The following ARL15 variants were observed in gnomAD, a reference collection of about 807,000 sequenced individuals.
ARL15 encodes ADP-ribosylation factor-like protein 15.
Under a neutral mutation model 25.2 loss-of-function variants are expected in ARL15, and 19 were observed. The ratio of observed to expected loss-of-function variants is 0.75; its 90% CI spans 0.53 to 1.10. The LOEUF is 1.10. Ranked by LOEUF, ARL15 falls within the 50% of genes least tolerant of loss-of-function variation. ARL15 has a pLI of 0.00. For synonymous variants in ARL15, 94 were observed against 86.8 expected (o/e 1.08, Z -0.46); for missense variants, 220 against 246.0 (o/e 0.89, Z 0.71).
chr5:54,121,603 T>C (rs1753077877), intron 3 of ARL15, among the ~76,000 whole-genome samples: 1 of 152,194 alleles, frequency 6.6e-6, no homozygotes, highest in South Asian at 2.1e-4. Context: ...CCAAAGCTTC[T>C]AATTTTTTTG....
chr5:54,087,238 G>A lies in ARL15; in HGVS notation c.462+25964C>T, dbSNP rs554936750. 2.1e-3 allele frequency among the ~76,000 whole-genome samples: 324 copies of A among 152,212 alleles called. 2 individuals are homozygous for A. The highest frequency in any genetic ancestry group is 3.8e-3 in the Non-Finnish European group (256 of 68,016). Reference sequence around the variant, plus strand: ...AGCTACTCGGGAGGCTCAGGCATGAGAATGGTGTGAATCCGGGAGGCGGAG... The same window carrying A: ...AGCTACTCGGGAGGCTCAGGCATGAAAATGGTGTGAATCCGGGAGGCGGAG... On this transcript the variant is annotated intron_variant, in intron 4 of 4. Coordinates refer to ENST00000504924, the MANE Select transcript of ARL15 (RefSeq NM_019087.3).
chr5:54,052,443 G>A (rs1750730460), intron 4 of ARL15, among the ~76,000 whole-genome samples: 1 of 152,146 alleles, frequency 6.6e-6, no homozygotes, highest in South Asian at 2.1e-4. Context: ...AAGTCTGTAA[G>A]ACTAAAGGTA....
At chr5:54,270,259 A>G (rs1241836710) in intron 1 of ARL15, among the ~76,000 whole-genome samples, 2 of 152,180 alleles carry the variant, frequency 1.3e-5, no homozygotes, top group Non-Finnish European at 2.9e-5. Flanking sequence ...TCTCAACACT[A>G]ACATCATATT....
chr5:54,266,238 A>G (rs1757621118), intron 1 of ARL15, among the ~76,000 whole-genome samples: 2 of 152,046 alleles, frequency 1.3e-5, no homozygotes. Flanking sequence ...AGGAAAATCC[A>G]CCTCCTCGGG....
chr5:54,283,489 G>T (rs2112672899), intron 1 of ARL15, among the ~76,000 whole-genome samples: 1 of 152,234 alleles, frequency 6.6e-6, no homozygotes, highest in East Asian at 1.9e-4. Context: ...TCATACTGGG[G>T]ATCATGATCA....
intron 3 of ARL15, among the ~76,000 whole-genome samples, chr5:54,149,023 C>T (rs1031107690): frequency 1.3e-5 from 2 of 152,182 alleles, no homozygotes; most frequent in Admixed American, 1.3e-4. Context: ...TGTGACATCA[C>T]TGCAGTGTGG....
At chr5:54,113,442 A>T in intron 3 of ARL15, 32 bp from the exon 4 acceptor site, 1 of 1,600,224 alleles carries the variant, frequency 6.2e-7, no homozygotes. Flanking sequence ...TTCGTTTTAA[A>T]AAGAGCTTTC....
At chr5:54,211,610 A>G (rs1227286617) in intron 1 of ARL15, among the ~76,000 whole-genome samples, 2 of 151,608 alleles carry the variant, frequency 1.3e-5, no homozygotes, top group Non-Finnish European at 2.9e-5. Flanking sequence ...AGCTGGGAAT[A>G]CAGGTGCCCG....
At chr5:54,145,576 ACCG>A (rs1753880962) in intron 3 of ARL15, among the ~76,000 whole-genome samples, 1 of 151,932 alleles carries the variant, frequency 6.6e-6, no homozygotes, top group African/African-American at 2.4e-5. Context: ...TCACTCTCCC[ACCG>A]AAGTATACAA....
chr5:54,113,436 T>C lies in ARL15; in HGVS notation c.254-26A>G, dbSNP rs770546867. ...CTGTCAAAAACAAAACAAATTTTCG[T>C]TTTAAAAAGAGCTTTCAGCAACTGA... On this transcript the variant is annotated intron_variant, in intron 3 of 4. Coordinates refer to ENST00000504924, the MANE Select transcript of ARL15 (RefSeq NM_019087.3). 4.4e-6 allele frequency: 7 copies of C among 1,602,406 alleles called. No homozygotes were observed. In the South Asian group the frequency reaches 7.9e-5, roughly 18 times the overall value.
chr5:54,027,040 C>T (rs1049402583), intron 4 of ARL15, among the ~76,000 whole-genome samples: 2 of 152,226 alleles, frequency 1.3e-5, no homozygotes, highest in South Asian at 2.1e-4. Context: ...GCCTCACTTG[C>T]GACTAACTAA....
chr5:54,061,579 C>T (rs1036181465), intron 4 of ARL15, among the ~76,000 whole-genome samples: 15 of 151,932 alleles, frequency 9.9e-5, no homozygotes, highest in African/African-American at 3.4e-4. Context: ...CTAGCCTGGG[C>T]AACAAGAGCG....
chr5:54,121,868 T>G (rs1050018562), intron 3 of ARL15, among the ~76,000 whole-genome samples: 1 of 152,172 alleles, frequency 6.6e-6, no homozygotes, highest in Admixed American at 6.5e-5. Flanking sequence ...ATTAAATAAC[T>G]TTTTTCACAC....
rs184719723 is a variant in ARL15, at chr5:54,194,371, T to C, written c.49-22443A>G. Among the ~76,000 whole-genome samples, 6 of 152,220 alleles carry C rather than the reference T, an allele frequency of 3.9e-5. No homozygotes were observed. The East Asian group carries it at 9.7e-4, about 25-fold the overall frequency. ...CAAGGCTCCTCACCTCTCCATCATT[T>C]TTATGAGACCCACAACATAGTCTTA... On this transcript the variant is annotated intron_variant, in intron 1 of 4. Coordinates refer to ENST00000504924, the MANE Select transcript of ARL15 (RefSeq NM_019087.3).
chr5:54,246,797 T>TACACACACACAC lies in ARL15; in HGVS notation c.48+63623_48+63634dup, dbSNP rs61025147. Among the ~76,000 whole-genome samples, 30 of 139,060 alleles carry TACACACACACAC rather than the reference T, an allele frequency of 2.2e-4. No individual in the cohort carries two copies. In the South Asian group the frequency reaches 3.5e-3, roughly 16 times the overall value. The allele number at this position is 139,060 out of a possible 152,430, so 91.2% of individuals were successfully genotyped here. On this transcript the variant is annotated intron_variant, in intron 1 of 4. Coordinates refer to ENST00000504924, the MANE Select transcript of ARL15 (RefSeq NM_019087.3). ...CCTCTTTTTATATACAAAGCATGCA[T>TACACACACACAC]ACACACACACACACACACACACACA...
intron 1 of ARL15, among the ~76,000 whole-genome samples, chr5:54,207,109 G>T (rs1468652322): frequency 6.6e-6 from 1 of 152,140 alleles, no homozygotes; most frequent in East Asian, 1.9e-4. Context: ...TTTTCCTGAA[G>T]GGTTCTTCTA....
intron 4 of ARL15, among the ~76,000 whole-genome samples, chr5:54,107,810 C>T (rs1168788885): frequency 1.3e-5 from 2 of 151,806 alleles, no homozygotes; most frequent in Admixed American, 6.6e-5. Context: ...ACTTTATTAC[C>T]CTCACCTAAA....
intron 4 of ARL15, among the ~76,000 whole-genome samples, chr5:54,078,806 C>G (rs274366): frequency 0.79 from 120,598 of 152,130 alleles, 48,072 homozygotes; most frequent in African/African-American, 0.81. Flanking sequence ...CACTATCCTA[C>G]TAAACCTTGA....
At chr5:54,159,921 G>A (rs1235687665) in intron 2 of ARL15, among the ~76,000 whole-genome samples, 4 of 152,222 alleles carry the variant, frequency 2.6e-5, no homozygotes, top group Non-Finnish European at 5.9e-5. Context: ...TGGGAGGAAG[G>A]TTAGTCTATT....
Sources: gnomAD v4.1 joint callset for allele counts (sites outside exome capture counted in the v4.1 genomes callset) on GRCh38, gnomAD v4.1.1 for gene constraint, MANE v1.5 for transcripts, NCBI Gene and HGNC (gene_info 2026-07-23, HGNC 2026-07-21) for gene names.